CCDC7: variants seen among roughly 807,000 people sequenced by gnomAD.
The protein encoded by CCDC7 is coiled-coil domain-containing protein 7.
In CCDC7, 183 loss-of-function variants were observed where a neutral mutation model predicts 196.9. The observed-to-expected ratio is 0.93, with a 90% confidence interval of 0.82 to 1.05. The LOEUF is 1.05. Ranked by LOEUF, CCDC7 falls within the 50% of genes least tolerant of loss-of-function variation. The pLI, the probability that CCDC7 is intolerant of heterozygous loss-of-function variation, is 0.00. For synonymous variants in CCDC7, 525 were observed against 484.6 expected, an observed-to-expected ratio of 1.08 and a Z score of -1.10; for missense variants, 1,540 against 1,482.2, an observed-to-expected ratio of 1.04 and a Z score of -0.64.
chr10:32,693,658 GA>G (rs1018289642), intron 23 of CCDC7, among the ~76,000 whole-genome samples: 2 of 151,542 alleles, frequency 1.3e-5, no homozygotes, highest in Middle Eastern at 3.4e-3. Context: ...ATGTTAATAA[GA>G]AAAAAAAATT....
At chr10:32,706,171 A>T (rs1004882173) in intron 24 of CCDC7, among the ~76,000 whole-genome samples, 1 of 152,178 alleles carries the variant, frequency 6.6e-6, no homozygotes, top group Admixed American at 6.5e-5. Flanking sequence ...AAACTCTTTC[A>T]AAACTGCTCA....
chr10:32,726,963 TTAAGA>T, intron 26 of CCDC7, 131 bp downstream of exon 27: 1 of 578,382 alleles, frequency 1.7e-6, no homozygotes, highest in Non-Finnish European at 2.9e-6. Flanking sequence ...CCCTGAAGTC[TTAAGA>T]TAAGTAGAGA....
chr10:32,593,421 T>G (rs1003472597), intron 18 of CCDC7, among the ~76,000 whole-genome samples: 5 of 152,232 alleles, frequency 3.3e-5, no homozygotes, highest in African/African-American at 7.2e-5. Flanking sequence ...TAAATTTGTT[T>G]AAGTTCTTTG....
chr10:32,648,743 T>G (rs2068199614), intron 20 of CCDC7, among the ~76,000 whole-genome samples: 1 of 152,242 alleles, frequency 6.6e-6, no homozygotes, highest in Non-Finnish European at 1.5e-5. Flanking sequence ...TTGGTTTTGA[T>G]TTGTATTTCT....
At chr10:32,515,398 A>G (rs2046857090) in intron 9 of CCDC7, among the ~76,000 whole-genome samples, 1 of 152,246 alleles carries the variant, frequency 6.6e-6, no homozygotes, top group Non-Finnish European at 1.5e-5. Flanking sequence ...AATAGAGTTG[A>G]AAGTCCACAA....
intron 19 of CCDC7, 27 bp downstream of exon 20, chr10:32,634,391 T>C (rs2065300109): frequency 1.1e-6 from 1 of 945,550 alleles, no homozygotes; most frequent in African/African-American, 1.7e-5. Flanking sequence ...TACATATCTT[T>C]ACACTATTTT....
chr10:32,675,620 A>G (rs1429687384), intron 21 of CCDC7: 3 of 152,356 alleles, frequency 2.0e-5, no homozygotes, highest in Non-Finnish European at 4.4e-5. Flanking sequence ...ATACTTTCAT[A>G]TACTTTGGTG....
chr10:32,627,888 G>A lies in CCDC7; in HGVS notation c.1802-6366G>A, dbSNP rs184731308. On this transcript the variant is annotated intron_variant, in intron 18 of 41. Coordinates refer to ENST00000639629, the Ensembl canonical transcript of CCDC7. ...TCACTTGACCTTGATAGGTGATACC[G>A]TTAATGTGTTGTTGAATTTGGTTTG... Among the ~76,000 whole-genome samples the A allele has an allele frequency of 5.4e-3, 820 of 151,808 alleles. 3 individuals carry two copies. Among genetic ancestry groups the A allele is most frequent in the South Asian group, 9.6e-3 (46 of 4,816 alleles).
intron 28 of CCDC7, among the ~76,000 whole-genome samples, chr10:32,773,105 A>G (rs546330445): frequency 6.6e-6 from 1 of 152,248 alleles, no homozygotes; most frequent in East Asian, 1.9e-4. Context: ...TACTTTTAAT[A>G]TTCTGTCCTT....
At chr10:32,594,032 G>T (rs1196280160) in intron 18 of CCDC7, among the ~76,000 whole-genome samples, 1 of 152,134 alleles carries the variant, frequency 6.6e-6, no homozygotes, top group Non-Finnish European at 1.5e-5. Flanking sequence ...GGCAATGCAG[G>T]CTCTTTTTTG....
chr10:32,817,987 A>G (rs1160600506), intron 31 of CCDC7, among the ~76,000 whole-genome samples: 2 of 152,210 alleles, frequency 1.3e-5, no homozygotes, highest in Non-Finnish European at 2.9e-5. Flanking sequence ...ACACATAACA[A>G]TATTAACCTT....
chr10:32,632,570 A>T (rs2065025289), intron 18 of CCDC7, among the ~76,000 whole-genome samples: 1 of 151,826 alleles, frequency 6.6e-6, no homozygotes, highest in Non-Finnish European at 1.5e-5. Flanking sequence ...TTTCAGTGTA[A>T]GTTTGCAGCT....
At chr10:32,593,853 G>A (rs534246292) in intron 18 of CCDC7, among the ~76,000 whole-genome samples, 52 of 152,190 alleles carry the variant, frequency 3.4e-4, no homozygotes, top group Non-Finnish European at 1.6e-4. Context: ...AAGATCAGAT[G>A]GTTTTCAATG....
chr10:32,744,418 T>C (rs893370565), intron 28 of CCDC7, among the ~76,000 whole-genome samples: 2 of 151,848 alleles, frequency 1.3e-5, no homozygotes, highest in African/African-American at 4.8e-5. Context: ...CCAGAGTGGC[T>C]ATGCCATTTT....
intron 31 of CCDC7, among the ~76,000 whole-genome samples, chr10:32,819,861 A>G (rs1180709497): frequency 1.3e-5 from 2 of 152,240 alleles, no homozygotes; most frequent in Admixed American, 1.3e-4. Flanking sequence ...CCAATATCAT[A>G]CTGAATGGGC....
At chr10:32,834,718 A>G (rs1481864124) in intron 32 of CCDC7, 97 bp from the exon 34 acceptor site, 2 of 533,586 alleles carry the variant, frequency 3.7e-6, no homozygotes, top group Non-Finnish European at 6.8e-6. Context: ...AGTTATTACT[A>G]TTCATACATA....
At chr10:32,467,659 C>A (rs2037123077) in intron 5 of CCDC7, among the ~76,000 whole-genome samples, 1 of 152,118 alleles carries the variant, frequency 6.6e-6, no homozygotes, top group South Asian at 2.1e-4. Flanking sequence ...AGTCTTTGCC[C>A]ATTCCTATGT....
At chr10:32,643,846 A>T (rs2067269907) in intron 20 of CCDC7, among the ~76,000 whole-genome samples, 1 of 133,636 alleles carries the variant, frequency 7.5e-6, no homozygotes, top group Non-Finnish European at 1.5e-5. Context: ...TTGAAAATTA[A>T]TTTTCAAAAT....
At chr10:32,848,853 AAAAT>A (rs1565702206) in intron 39 of CCDC7, 135 bp downstream of exon 40, 6 of 740,458 alleles carry the variant, frequency 8.1e-6, no homozygotes, top group African/African-American at 1.8e-5. Context: ...TACAAGCGTA[AAAAT>A]AAAATGGTTT....
Sources: gnomAD v4.1 joint callset for allele counts (sites outside exome capture counted in the v4.1 genomes callset) on GRCh38, gnomAD v4.1.1 for gene constraint, MANE v1.5 for transcripts, NCBI Gene and HGNC (gene_info 2026-07-23, HGNC 2026-07-21) for gene names.